Variants in CNTLN observed in about 807,000 individuals in gnomAD.
The protein encoded by CNTLN is centlein, centrosomal protein.
In CNTLN, 212 loss-of-function variants were observed where a neutral mutation model predicts 180.0. The observed-to-expected ratio is 1.18, with a 90% CI of 1.05 to 1.32. The LOEUF is 1.32. Among genes scored for constraint, CNTLN ranks in the 40% most tolerant of loss-of-function variants. CNTLN has a pLI of 0.00. For missense variants in CNTLN, 2,095 were observed against 1,610.9 expected (o/e 1.30, Z -5.14); for synonymous variants, 722 against 563.1 (o/e 1.28, Z -3.99).
intron 16 of CNTLN, among the ~76,000 whole-genome samples, chr9:17,412,266 C>G (rs953654051): frequency 1.3e-5 from 2 of 152,100 alleles, no homozygotes; most frequent in Non-Finnish European, 2.9e-5. Context: ...GAGTCCCATT[C>G]AAATGAGATT....
rs761941937 is a variant in CNTLN, at chr9:17,416,124, G to A, written c.3049G>A (p.Glu1017Lys). ...LSVKEYKEVN[E>K]KLLHQQQVSD... ...TGTTAAAGAATATAAAGAAGTTAAT[G>A]AAAAGCTCCTCCATCAACAGCAAGT... Residue 1017 changes from glutamate to lysine, a missense_variant, in exon 18 of 26, where the codon GAA (glutamate) becomes AAA (lysine). Coordinates refer to ENST00000380647, the MANE Select transcript of CNTLN (RefSeq NM_017738.4). 3.7e-6 allele frequency: 6 copies of A among 1,613,610 alleles called. No individual in the cohort carries two copies. Among genetic ancestry groups the A allele is most frequent in the Non-Finnish European group, 5.1e-6 (6 of 1,179,754 alleles).
chr9:17,188,422 A>G (rs1821571747), intron 2 of CNTLN, among the ~76,000 whole-genome samples: 1 of 152,110 alleles, frequency 6.6e-6, no homozygotes, highest in East Asian at 1.9e-4. Context: ...ACATCTGTAG[A>G]CCATAAAAAA....
In CNTLN at chr9:17,260,405, C is replaced by T. The variant is rs145821504; in HGVS notation, c.850-13328C>T. Among the ~76,000 whole-genome samples the T allele has an allele frequency of 5.2e-3, 783 of 151,092 alleles. 31 individuals carry two copies. Among genetic ancestry groups the T allele is most frequent in the African/African-American group, 0.018 (729 of 40,678 alleles). On this transcript the variant is annotated intron_variant, in intron 5 of 25. Coordinates refer to ENST00000380647, the MANE Select transcript of CNTLN (RefSeq NM_017738.4). ...AGAGCTTTACTTCCAAATATGTGGC[C>T]AATTTTGGAATAGGTGTGGTGTGGT...
In CNTLN at chr9:17,309,151, CA is replaced by C; in HGVS notation, c.1245del (p.Glu416SerfsTer7). On this transcript the variant is annotated frameshift_variant, in exon 8 of 26. Transcript: ENST00000380647. LOFTEE classifies it high-confidence loss of function. ...TACTAATCTTCAGGATCAGCTATTA[CA>C]AAAAGAGCAAGAAAATGCTAAGTTA... is the stretch of plus-strand genomic sequence containing the variant. ...SVTNLQDQLL[Q>X]KEQENAKLKE... 1 of 1,610,416 alleles carries C rather than the reference CA, an allele frequency of 6.2e-7. No individual in the cohort carries two copies. Among genetic ancestry groups the C allele is most frequent in the Admixed American group, 1.7e-5 (1 of 59,772 alleles).
rs1170144397 is a variant in CNTLN at position 17,235,875 on chromosome 9, G to C, written c.669+83G>C. 2.1e-6 allele frequency: 3 copies of C among 1,457,624 alleles called. No individual in the cohort carries two copies. The East Asian group carries it at 7.2e-5, about 35-fold the overall frequency. 90.3% of individuals were successfully genotyped at this position (1,457,624 alleles called of 1,614,324 possible). Reference sequence around the variant, plus strand: ...TTTGTTAGCCTTTGTGGCACAGAAAGTGACAGATTTGGAGGAAAAATTGCC... The same window carrying C: ...TTTGTTAGCCTTTGTGGCACAGAAACTGACAGATTTGGAGGAAAAATTGCC... On this transcript the variant is annotated intron_variant, in intron 4 of 25. Transcript: ENST00000380647.
At chr9:17,473,604 A>AC (rs1564136015) in intron 23 of CNTLN, among the ~76,000 whole-genome samples, 2 of 148,166 alleles carry the variant, frequency 1.3e-5, no homozygotes, top group Admixed American at 6.7e-5. Flanking sequence ...AAAAAAAAAA[A>AC]AACAAAACAA....
At chr9:17,307,955 A>G (rs936670972) in intron 7 of CNTLN, among the ~76,000 whole-genome samples, 7 of 144,732 alleles carry the variant, frequency 4.8e-5, no homozygotes, top group Non-Finnish European at 1.1e-4. Context: ...GTAAGATTTT[A>G]CTGTTAGCCT....
intron 8 of CNTLN, among the ~76,000 whole-genome samples, chr9:17,311,740 C>T (rs1407360442): frequency 6.6e-6 from 1 of 151,746 alleles, no homozygotes; most frequent in Non-Finnish European, 1.5e-5. Context: ...ACGTGGGAGG[C>T]GGAGGTTGCA....
chr9:17,358,543 A>T (rs1442905478), intron 12 of CNTLN, among the ~76,000 whole-genome samples: 2 of 152,190 alleles, frequency 1.3e-5, no homozygotes, highest in African/African-American at 4.8e-5. Context: ...CACTATACAC[A>T]TACATATATC....
intron 6 of CNTLN, among the ~76,000 whole-genome samples, chr9:17,295,128 C>A (rs1051808167): frequency 1.3e-5 from 2 of 151,268 alleles, no homozygotes; most frequent in South Asian, 2.1e-4. Context: ...GCTCTGAGTG[C>A]GGGCCGCCAA....
chr9:17,456,749 T>A (rs1165759829), intron 18 of CNTLN, among the ~76,000 whole-genome samples: 1 of 152,120 alleles, frequency 6.6e-6, no homozygotes, highest in African/African-American at 2.4e-5. Context: ...GCAAACACCC[T>A]CTTAAGCAGC....
intron 24 of CNTLN, among the ~76,000 whole-genome samples, chr9:17,484,921 A>T (rs1832822467): frequency 6.6e-6 from 1 of 152,132 alleles, no homozygotes; most frequent in Admixed American, 6.5e-5. Flanking sequence ...CAAAATTATT[A>T]TTCACCAGTA....
chr9:17,430,807 T>A (rs1829372655), intron 18 of CNTLN, among the ~76,000 whole-genome samples: 1 of 152,162 alleles, frequency 6.6e-6, no homozygotes, highest in Admixed American at 6.5e-5. Flanking sequence ...GTGATATTTG[T>A]ATTTGTGTGC....
At chr9:17,139,467 C>G (rs1456219701) in intron 1 of CNTLN, among the ~76,000 whole-genome samples, 1 of 151,830 alleles carries the variant, frequency 6.6e-6, no homozygotes, top group African/African-American at 2.4e-5. Context: ...TTGAGACCAG[C>G]CTGGCCAACA....
intron 2 of CNTLN, among the ~76,000 whole-genome samples, chr9:17,197,074 T>G (rs940741695): frequency 1.5e-4 from 23 of 152,148 alleles, no homozygotes; most frequent in African/African-American, 5.5e-4. Flanking sequence ...TTAGCTCCCC[T>G]AAATATGTGA....
chr9:17,260,764 C>A (rs970972432), intron 5 of CNTLN, among the ~76,000 whole-genome samples: 7 of 151,426 alleles, frequency 4.6e-5, no homozygotes, highest in Non-Finnish European at 4.4e-5. Flanking sequence ...TTTGCCAGTT[C>A]CTGTGTCCAG....
intron 18 of CNTLN, among the ~76,000 whole-genome samples, chr9:17,437,150 G>T (rs921451365): frequency 6.6e-6 from 1 of 152,180 alleles, no homozygotes; most frequent in African/African-American, 2.4e-5. Context: ...CCCAGGATCA[G>T]AGCTGAGAAT....
chr9:17,137,796 C>T (rs898128943), intron 1 of CNTLN, among the ~76,000 whole-genome samples: 1 of 152,128 alleles, frequency 6.6e-6, no homozygotes, highest in African/African-American at 2.4e-5. Context: ...CCATACCATT[C>T]TACATCATTG....
intron 2 of CNTLN, among the ~76,000 whole-genome samples, chr9:17,171,281 G>A (rs1820404567): frequency 6.6e-6 from 1 of 152,162 alleles, no homozygotes; most frequent in African/African-American, 2.4e-5. Context: ...TATTGGAGCA[G>A]TCACTTCTAG....
Sources: gnomAD v4.1 joint callset for allele counts (sites outside exome capture counted in the v4.1 genomes callset) on GRCh38, gnomAD v4.1.1 for gene constraint, MANE v1.5 for transcripts, NCBI Gene and HGNC (gene_info 2026-07-23, HGNC 2026-07-21) for gene names.